The following ARHGAP22 variants were observed in gnomAD, a reference collection of about 807,000 sequenced individuals.
The protein encoded by ARHGAP22 is rho GTPase-activating protein 22.
In ARHGAP22, 48 loss-of-function variants were observed where a neutral mutation model predicts 59.1. That is an observed-to-expected ratio of 0.81 (90% CI 0.64 to 1.03). ARHGAP22 has a LOEUF of 1.03. Among genes scored for constraint, ARHGAP22 ranks in the 50% least tolerant of loss-of-function variants. The probability of loss-of-function intolerance (pLI) is 0.00; values close to 1 mark genes in which losing one functional copy is unlikely to be tolerated. For synonymous variants in ARHGAP22, 445 were observed against 416.4 expected (o/e 1.07, Z -0.84); for missense variants, 1,015 against 958.7 (o/e 1.06, Z -0.78).
At chr10:48,644,987 G>A (rs532364073) in intron 1 of ARHGAP22, among the ~76,000 whole-genome samples, 20 of 152,020 alleles carry the variant, frequency 1.3e-4, no homozygotes, top group African/African-American at 4.6e-4. Context: ...GAAACAAAAA[G>A]CTAGCTTGTT....
At chr10:48,434,949 A>C in the ARHGAP22 span, 4 of 1,579,734 alleles carry the variant, frequency 2.5e-6, no homozygotes, top group Admixed American at 6.8e-5. Flanking sequence ...TGTGTCTTCA[A>C]TGTCAACAGA....
At chr10:48,534,100 G>A (rs2055121885) in intron 3 of ARHGAP22, among the ~76,000 whole-genome samples, 1 of 152,260 alleles carries the variant, frequency 6.6e-6, no homozygotes. Context: ...TAGGGGCAGA[G>A]CTCTAGAAGT....
At chr10:48,652,186 A>G (rs1433849508) in intron 1 of ARHGAP22, 2 of 1,504,576 alleles carry the variant, frequency 1.3e-6, no homozygotes, top group Admixed American at 3.9e-5. Flanking sequence ...GCAAGAAGTC[A>G]AATGCAAAGG....
At chr10:48,610,896 C>T (rs2060858447) in intron 1 of ARHGAP22, among the ~76,000 whole-genome samples, 1 of 152,198 alleles carries the variant, frequency 6.6e-6, no homozygotes, top group South Asian at 2.1e-4. Flanking sequence ...TGTCAGCTGA[C>T]TTCACTCCTG....
chr10:48,452,166 G>A (rs1309011203), intron 8 of ARHGAP22, among the ~76,000 whole-genome samples: 2 of 152,132 alleles, frequency 1.3e-5, no homozygotes, highest in African/African-American at 4.8e-5. Context: ...TGGGGTGGGG[G>A]CCTGCAGCGG....
At chr10:48,528,280 T>A (rs1224980800) in intron 3 of ARHGAP22, among the ~76,000 whole-genome samples, 1 of 152,104 alleles carries the variant, frequency 6.6e-6, no homozygotes, top group Non-Finnish European at 1.5e-5. Flanking sequence ...CAGCACTATC[T>A]CAGGTGTGAG....
intron 9 of ARHGAP22, among the ~76,000 whole-genome samples, chr10:48,447,241 G>C (rs538519132): frequency 1.3e-5 from 2 of 152,226 alleles, no homozygotes; most frequent in Non-Finnish European, 2.9e-5. Context: ...TCATGCTGCA[G>C]TGTGCCAAGG....
chr10:48,434,654 C>T, the ARHGAP22 span, among the ~76,000 whole-genome samples: 2 of 152,312 alleles, frequency 1.3e-5, no homozygotes, highest in East Asian at 3.9e-4. Context: ...AAAACACATT[C>T]ATTGAAAGGA....
intron 5 of ARHGAP22, 73 bp from the exon 6 acceptor site, chr10:48,455,207 G>A (rs2046374248): frequency 3.4e-6 from 5 of 1,465,802 alleles, no homozygotes; most frequent in African/African-American, 1.4e-5. Flanking sequence ...GGTACGCCCT[G>A]ACGCCAAGGG....
chr10:48,452,925 T>C (rs1430348569), intron 8 of ARHGAP22, among the ~76,000 whole-genome samples: 1 of 152,220 alleles, frequency 6.6e-6, no homozygotes, highest in African/African-American at 2.4e-5. Flanking sequence ...AAAGCTGACA[T>C]CCAGGAACCT....
the ARHGAP22 span, chr10:48,435,995 C>T: frequency 6.6e-6 from 1 of 152,174 alleles, no homozygotes; most frequent in Non-Finnish European, 1.5e-5. Flanking sequence ...TGGACCTTTC[C>T]TGTTTCCTAT....
intron 2 of ARHGAP22, among the ~76,000 whole-genome samples, chr10:48,576,910 C>T (rs2058747750): frequency 1.1e-5 from 1 of 88,488 alleles, no homozygotes; most frequent in Admixed American, 1.1e-4. Flanking sequence ...CATCCCTCCC[C>T]ACACCGCCAC....
intron 5 of ARHGAP22, among the ~76,000 whole-genome samples, chr10:48,459,205 C>T (rs2046888222): frequency 6.6e-6 from 1 of 151,500 alleles, no homozygotes; most frequent in African/African-American, 2.4e-5. Flanking sequence ...GGACATGGCC[C>T]CGGCCCCAGA....
chr10:48,444,597 G>A (rs1171919072), downstream of ARHGAP22: 1 of 152,202 alleles, frequency 6.6e-6, no homozygotes. Flanking sequence ...AGACAGACAA[G>A]CTTCCTTTCA....
At chr10:48,630,589 C>T (rs1489225645) in intron 1 of ARHGAP22, among the ~76,000 whole-genome samples, 2 of 152,062 alleles carry the variant, frequency 1.3e-5, no homozygotes, top group East Asian at 3.8e-4. Context: ...TTTTCAAATT[C>T]CAGCTGTTCA....
At chr10:48,478,489 C>T (rs2048955127) in intron 4 of ARHGAP22, among the ~76,000 whole-genome samples, 1 of 152,202 alleles carries the variant, frequency 6.6e-6, no homozygotes, top group African/African-American at 2.4e-5. Flanking sequence ...TGGAGACTGG[C>T]CCAGAGCCCC....
chr10:48,652,971 C>T (rs1473900672), upstream of ARHGAP22, among the ~76,000 whole-genome samples: 2 of 152,106 alleles, frequency 1.3e-5, no homozygotes, highest in Admixed American at 1.3e-4. Flanking sequence ...TGTGGAGAAT[C>T]AAAAAGAAAA....
At chr10:48,480,509 G>A (rs767487601) in intron 3 of ARHGAP22, among the ~76,000 whole-genome samples, 40 of 152,184 alleles carry the variant, frequency 2.6e-4, no homozygotes, top group Non-Finnish European at 4.6e-4. Context: ...CCTACCCCCC[G>A]ACATCCCTGG....
chr10:48,625,033 G>T (rs987591194), intron 1 of ARHGAP22: 1 of 152,130 alleles, frequency 6.6e-6, no homozygotes, highest in Non-Finnish European at 1.5e-5. Context: ...AGAGTCGTGT[G>T]CAGTACTTAG....
Sources: allele counts gnomAD v4.1 joint callset (sites outside exome capture counted in the v4.1 genomes callset), GRCh38; gene constraint gnomAD v4.1.1; transcripts MANE v1.5; gene names NCBI Gene and HGNC (gene_info 2026-07-23, HGNC 2026-07-21).